PYM1: variants seen among roughly 807,000 people sequenced by gnomAD.
The protein encoded by PYM1 is PYM1 exon junction complex associated factor, also known as partner of Y14 and mago.
Under a neutral mutation model 20.7 loss-of-function variants are expected in PYM1, and 7 were observed. The observed-to-expected ratio is 0.34, with a 90% confidence interval of 0.19 to 0.64. The LOEUF is 0.64. Ranked by LOEUF, PYM1 falls within the 30% of genes least tolerant of loss-of-function variation. PYM1 has a pLI of 0.74. For synonymous variants in PYM1, 100 were observed against 99.2 expected (o/e 1.01, Z -0.05); for missense variants, 194 against 250.0 (o/e 0.78, Z 1.51).
intron 1 of PYM1, among the ~76,000 whole-genome samples, chr12:55,918,105 T>C (rs994377214): frequency 3.3e-5 from 5 of 151,800 alleles, no homozygotes; most frequent in Non-Finnish European, 7.4e-5. Context: ...TTTTTTTTTT[T>C]TCTTTTTTTT....
chr12:55,908,703 T>A (rs553445196), intron 1 of PYM1, among the ~76,000 whole-genome samples: 16 of 151,248 alleles, frequency 1.1e-4, no homozygotes, highest in African/African-American at 3.6e-4. Flanking sequence ...ATACAAAAAA[T>A]AGCCAGGAGT....
intron 1 of PYM1, among the ~76,000 whole-genome samples, chr12:55,917,573 C>A (rs942433925): frequency 3.9e-5 from 6 of 152,106 alleles, no homozygotes; most frequent in Non-Finnish European, 4.4e-5. Context: ...TGCATGTTCT[C>A]ACTTATAAGT....
intron 1 of PYM1, chr12:55,927,312 C>A (rs1355836963): frequency 1.2e-6 from 1 of 816,844 alleles, no homozygotes; most frequent in Admixed American, 2.0e-5. Context: ...TTACTGCCAC[C>A]GATACCATTA....
chr12:55,903,264 T>G lies in PYM1; in HGVS notation c.131+123A>C. ...ACTCTTTCTCTCCTTTCTCAGATAG[T>G]TGCCCCTCCTTCCATTTCCTTGGGG... On this transcript the variant is annotated intron_variant, in intron 2 of 2. Coordinates refer to ENST00000408946, the MANE Select transcript of PYM1 (RefSeq NM_032345.3). 1.2e-5 allele frequency: 9 copies of G among 765,786 alleles called. No homozygotes were observed. The South Asian group carries it at 1.7e-4, about 15-fold the overall frequency. 47.4% of individuals were successfully genotyped at this position (765,786 alleles called of 1,614,324 possible).
chr12:55,912,827 T>C (rs1300561612), intron 1 of PYM1, among the ~76,000 whole-genome samples: 1 of 146,442 alleles, frequency 6.8e-6, no homozygotes, highest in Non-Finnish European at 1.5e-5. Flanking sequence ...AGCAGGTCAC[T>C]GTGGCAAGCT....
At chr12:55,905,400 A>G (rs185495235) in intron 1 of PYM1, among the ~76,000 whole-genome samples, 6 of 151,906 alleles carry the variant, frequency 3.9e-5, no homozygotes, top group East Asian at 3.9e-4. Flanking sequence ...AATGGGAAAT[A>G]TAAGTTTTCC....
intron 1 of PYM1, among the ~76,000 whole-genome samples, chr12:55,904,607 A>T (rs1272947451): frequency 6.8e-5 from 10 of 146,020 alleles, no homozygotes; most frequent in Non-Finnish European, 1.5e-4. Context: ...AAAAAAAAAA[A>T]AAAAAAAAAA....
In PYM1 at chr12:55,915,571, AAAAAAGCCTCCTAGAAGAAAAGTACCGT is replaced by A. The variant is rs1882992149; in HGVS notation, c.38-12119_38-12092del. Among the ~76,000 whole-genome samples the A allele has an allele frequency of 5.3e-5, 8 of 151,712 alleles. No individual in the cohort carries two copies. In the South Asian group the frequency reaches 1.7e-3, roughly 32 times the overall value. ...AAGAGTTTATCTTTAAAAAAAAAAA[AAAAAAGCCTCCTAGAAGAAAAGTACCGT>A]AAGTGCCAATAGGGTTATCAAGATG... On this transcript the variant is annotated intron_variant, in intron 1 of 2. Transcript: ENST00000408946.
At chr12:55,912,113 C>G (rs1199549616) in intron 1 of PYM1, among the ~76,000 whole-genome samples, 1 of 151,796 alleles carries the variant, frequency 6.6e-6, no homozygotes. Flanking sequence ...CTTTGGGAAG[C>G]CGAGGCAGGT....
At chr12:55,906,141 G>A (rs1251410739) in intron 1 of PYM1, among the ~76,000 whole-genome samples, 1 of 148,908 alleles carries the variant, frequency 6.7e-6, no homozygotes, top group Non-Finnish European at 1.5e-5. Context: ...AATTACCATA[G>A]TTTGTCAGTG....
In PYM1 at chr12:55,927,822, GCGGCGCCGGGGATT is replaced by G; in HGVS notation, c.-75_-62del. 1.3e-6 allele frequency: 2 copies of G among 1,518,186 alleles called. No individual in the cohort carries two copies. Among genetic ancestry groups the G allele is most frequent in the Non-Finnish European group, 1.8e-6 (2 of 1,136,982 alleles). 94.0% of individuals were successfully genotyped at this position (1,518,186 alleles called of 1,614,324 possible). On this transcript the variant is annotated 5_prime_UTR_variant, in exon 1 of 3. Transcript: ENST00000408946. ...CCCTGGCCTGGCTCTGCCCCGCTGG[GCGGCGCCGGGGATT>G]CGGCGGCGAAGTGATGAGGGCCCTA... is the stretch of plus-strand genomic sequence containing the variant.
chr12:55,905,748 A>C (rs2136257852), intron 1 of PYM1, among the ~76,000 whole-genome samples: 1 of 135,476 alleles, frequency 7.4e-6, no homozygotes, highest in East Asian at 2.0e-4. Context: ...ATTTTATAGA[A>C]TTTTGGAAAA....
intron 1 of PYM1, among the ~76,000 whole-genome samples, chr12:55,907,885 T>A (rs1882852389): frequency 6.6e-6 from 1 of 150,376 alleles, no homozygotes; most frequent in Non-Finnish European, 1.5e-5. Flanking sequence ...TTGCAGTAGG[T>A]CAAGATCATG....
At chr12:55,927,223 C>T in intron 1 of PYM1, 1 of 1,452,502 alleles carries the variant, frequency 6.9e-7, no homozygotes, top group Non-Finnish European at 9.5e-7. Context: ...AGGGAGAGTG[C>T]ACCATTTCAT....
chr12:55,912,329 G>A (rs1440092425), intron 1 of PYM1, among the ~76,000 whole-genome samples: 1 of 152,144 alleles, frequency 6.6e-6, no homozygotes, highest in Non-Finnish European at 1.5e-5. Flanking sequence ...TCCAGCCTGG[G>A]TGATAGAGCG....
At chr12:55,912,584 GA>G (rs1318549743) in intron 1 of PYM1, among the ~76,000 whole-genome samples, 1 of 142,636 alleles carries the variant, frequency 7.0e-6, no homozygotes, top group Non-Finnish European at 1.5e-5. Flanking sequence ...AACTCCGCAA[GA>G]GGGGGGAAAA....
At chr12:55,910,417 A>C (rs1882901800) in intron 1 of PYM1, among the ~76,000 whole-genome samples, 1 of 151,982 alleles carries the variant, frequency 6.6e-6, no homozygotes, top group Non-Finnish European at 1.5e-5. Flanking sequence ...AGTAGCTGGG[A>C]CTACAGCGCA....
Position 55,902,084 on chromosome 12 carries a change from G to C in PYM1, c.403C>G (p.Pro135Ala), listed in dbSNP as rs1199423379. 1 of 1,613,954 alleles carries C rather than the reference G, an allele frequency of 6.2e-7. No individual in the cohort carries two copies. Among genetic ancestry groups the C allele is most frequent in the Non-Finnish European group, 8.5e-7 (1 of 1,180,020 alleles). Residue 135 changes from proline (P) to alanine (A), a missense_variant, in exon 3 of 3, where the codon CCC becomes GCC. Coordinates refer to ENST00000408946, the MANE Select transcript of PYM1 (RefSeq NM_032345.3). ...PSAPQGSRAA[P>A]TAASDQPDSA... Reference sequence around the variant, plus strand: ...TCAGGCTGGTCAGATGCAGCTGTGGGGGCTGCCCGAGAGCCCTGTGGAGCA... The same window carrying C: ...TCAGGCTGGTCAGATGCAGCTGTGGCGGCTGCCCGAGAGCCCTGTGGAGCA...
Position 55,903,479 on chromosome 12 carries a change from G to C in PYM1, c.39C>G (p.Gly13=). Residue 13 remains glycine (G), a splice_region_variant and synonymous_variant, in exon 2 of 3, where the codon GGC becomes GGG. Transcript: ENST00000408946. ...AAGSPAATET[G]KYIASTQRPD... ...GTCGCTGTGTTGACGCGATATACTT[G>C]CCTAAAATAAGAAAAATCAAGTTGA... 1 of 1,612,144 alleles carries C rather than the reference G, an allele frequency of 6.2e-7. No homozygotes were observed. Among genetic ancestry groups the C allele is most frequent in the Non-Finnish European group, 8.5e-7 (1 of 1,179,458 alleles).
Sources: gnomAD v4.1 joint callset for allele counts (sites outside exome capture counted in the v4.1 genomes callset) on GRCh38, gnomAD v4.1.1 for gene constraint, MANE v1.5 for transcripts, NCBI Gene and HGNC (gene_info 2026-07-23, HGNC 2026-07-21) for gene names.